The following RIC1 variants were observed in gnomAD, a reference collection of about 807,000 sequenced individuals.
RIC1 encodes the protein RIC1 partner of RAB6A GEF complex.
Under a neutral mutation model 169.0 loss-of-function variants are expected in RIC1, and 88 were observed. The observed-to-expected ratio is 0.52, with a 90% CI of 0.44 to 0.62. The LOEUF is 0.62. Ranked by LOEUF, RIC1 falls within the 20% of genes least tolerant of loss-of-function variation. The pLI is 0.00. For synonymous variants in RIC1, 790 were observed against 601.5 expected (o/e 1.31, Z -4.59); for missense variants, 1,877 against 1,725.5 (o/e 1.09, Z -1.56).
At chr9:5,756,077 TTAGA>T (rs1243550023) in intron 15 of RIC1, 131 bp from the exon 16 acceptor site, 1 of 469,466 alleles carries the variant, frequency 2.1e-6, no homozygotes, top group East Asian at 3.4e-5. Flanking sequence ...CTGTTAAAGC[TTAGA>T]TAGTTCTTTT....
chr9:5,657,415 A>G (rs1819166787), intron 2 of RIC1, among the ~76,000 whole-genome samples: 1 of 152,136 alleles, frequency 6.6e-6, no homozygotes, highest in Non-Finnish European at 1.5e-5. Context: ...CTCCTATCCG[A>G]TGAGTACAAT....
chr9:5,656,473 T>C, intron 1 of RIC1, 110 bp from the exon 2 acceptor site: 1 of 533,252 alleles, frequency 1.9e-6, no homozygotes, highest in Admixed American at 3.5e-5. Flanking sequence ...ATATTGTCTT[T>C]TATTTTACTG....
intron 1 of RIC1, among the ~76,000 whole-genome samples, chr9:5,632,809 T>C (rs1817780546): frequency 6.6e-6 from 1 of 152,182 alleles, no homozygotes; most frequent in Non-Finnish European, 1.5e-5. Context: ...AATTATTCCT[T>C]TAATATACTA....
intron 6 of RIC1, among the ~76,000 whole-genome samples, chr9:5,730,935 T>G (rs1038455476): frequency 6.6e-6 from 1 of 152,138 alleles, no homozygotes; most frequent in Non-Finnish European, 1.5e-5. Context: ...CCACACAGGC[T>G]TCTTTGCTGG....
downstream of RIC1, among the ~76,000 whole-genome samples, chr9:5,776,890 T>C (rs1254877584): frequency 2.0e-5 from 3 of 152,118 alleles, no homozygotes; most frequent in African/African-American, 7.2e-5. Flanking sequence ...TCATTTCTAA[T>C]AAGCGGGATT....
At chr9:5,725,887 C>T (rs1395102627) in intron 6 of RIC1, among the ~76,000 whole-genome samples, 1 of 152,122 alleles carries the variant, frequency 6.6e-6, no homozygotes, top group Non-Finnish European at 1.5e-5. Context: ...TTTCTTAATC[C>T]TGAGTTCTAG....
chr9:5,729,814 A>G (rs1824249085), intron 6 of RIC1, among the ~76,000 whole-genome samples: 1 of 150,982 alleles, frequency 6.6e-6, no homozygotes, highest in Non-Finnish European at 1.5e-5. Context: ...CATAAATAAG[A>G]ATAAAAATAA....
intron 3 of RIC1, among the ~76,000 whole-genome samples, chr9:5,706,998 C>T (rs1822631055): frequency 6.6e-6 from 1 of 152,124 alleles, no homozygotes; most frequent in Admixed American, 6.5e-5. Flanking sequence ...AGTTAGGTTA[C>T]TGATTTGAAA....
chr9:5,676,568 G>A (rs561065022), intron 2 of RIC1, among the ~76,000 whole-genome samples: 2 of 152,258 alleles, frequency 1.3e-5, no homozygotes, highest in South Asian at 2.1e-4. Context: ...ATAATGAAAT[G>A]TTAGTAATAT....
chr9:5,718,159 A>AAAAT (rs2130852854), intron 4 of RIC1, among the ~76,000 whole-genome samples: 1 of 151,148 alleles, frequency 6.6e-6, no homozygotes, highest in Admixed American at 6.6e-5. Flanking sequence ...AAAAAAAAAA[A>AAAAT]AAAAAAAGTT....
chr9:5,648,130 C>T (rs1038687706), intron 1 of RIC1, among the ~76,000 whole-genome samples: 1 of 151,770 alleles, frequency 6.6e-6, no homozygotes, highest in Non-Finnish European at 1.5e-5. Flanking sequence ...TTACAGGCGC[C>T]CGCCACCATA....
At chr9:5,695,367 A>G (rs962682118) in intron 3 of RIC1, among the ~76,000 whole-genome samples, 3 of 152,168 alleles carry the variant, frequency 2.0e-5, no homozygotes, top group Non-Finnish European at 4.4e-5. Flanking sequence ...GAAAGTCAAG[A>G]GCGCACCCGC....
At chr9:5,675,747 CAT>C (rs926689115) in intron 2 of RIC1, among the ~76,000 whole-genome samples, 14 of 152,096 alleles carry the variant, frequency 9.2e-5, no homozygotes, top group African/African-American at 2.9e-4. Flanking sequence ...ATGGAGGAAT[CAT>C]ATGTAAAAAC....
At chr9:5,711,958 C>G (rs186564749) in intron 3 of RIC1, among the ~76,000 whole-genome samples, 1 of 152,190 alleles carries the variant, frequency 6.6e-6, no homozygotes, top group African/African-American at 2.4e-5. Context: ...GCCACATTTT[C>G]TTAATCCAGT....
downstream of RIC1, among the ~76,000 whole-genome samples, chr9:5,777,575 C>T (rs1177818067): frequency 6.6e-6 from 1 of 151,978 alleles, no homozygotes; most frequent in Non-Finnish European, 1.5e-5. Flanking sequence ...TTGCTTGTGC[C>T]TAATCCAGGG....
intron 21 of RIC1, among the ~76,000 whole-genome samples, chr9:5,768,187 A>T (rs1433571318): frequency 1.3e-5 from 2 of 152,194 alleles, no homozygotes; most frequent in African/African-American, 4.8e-5. Context: ...TAGCTCATGT[A>T]AGTCAGGAAT....
chr9:5,743,735 A>C lies in RIC1; in HGVS notation c.1093A>C (p.Met365Leu). 1 of 1,606,156 alleles carries C rather than the reference A, an allele frequency of 6.2e-7. No individual in the cohort carries two copies. Among genetic ancestry groups the C allele is most frequent in the Non-Finnish European group, 8.5e-7 (1 of 1,174,372 alleles). ...AAAAGATCCCCTTAAGATCAACTCT[A>C]TGGTAAGTACTTTCTATAAAAAATT... ...TKKDPLKINS[M>L]SWGAEGYHLW... Residue 365 changes from methionine (M) to leucine (L), a missense_variant and splice_region_variant, in exon 10 of 26, where the codon ATG (methionine) becomes CTG (leucine). Physicochemically the swap from Met to Leu is conservative, Grantham distance 15 (BLOSUM62 2). Transcript: ENST00000414202.
At chr9:5,747,633 C>G in intron 12 of RIC1, 128 bp downstream of exon 12, 1 of 801,422 alleles carries the variant, frequency 1.2e-6, no homozygotes, top group Admixed American at 2.5e-5. Context: ...TGTCATGTCC[C>G]TCTTCTGCTT....
intron 3 of RIC1, among the ~76,000 whole-genome samples, chr9:5,709,239 G>T (rs1456915575): frequency 6.6e-6 from 1 of 152,134 alleles, no homozygotes; most frequent in Non-Finnish European, 1.5e-5. Context: ...TCTGCCGTCT[G>T]TCCAGATACG....
Sources: gnomAD v4.1 joint callset for allele counts (sites outside exome capture counted in the v4.1 genomes callset) on GRCh38, gnomAD v4.1.1 for gene constraint, MANE v1.5 for transcripts, NCBI Gene and HGNC (gene_info 2026-07-23, HGNC 2026-07-21) for gene names.